SNX29: variants seen among roughly 807,000 people sequenced by gnomAD.
The protein encoded by SNX29 is sorting nexin-29.
Under a neutral mutation model 102.1 loss-of-function variants are expected in SNX29, and 78 were observed. The observed-to-expected ratio is 0.76, with a 90% CI of 0.64 to 0.92. The LOEUF is 0.92. Among genes scored for constraint, SNX29 ranks in the 40% least tolerant of loss-of-function variants. SNX29 has a pLI of 0.00. For synonymous variants in SNX29, 580 were observed against 414.5 expected, an observed-to-expected ratio of 1.40 and a Z score of -4.85; for missense variants, 1,280 against 1,061.7, an observed-to-expected ratio of 1.21 and a Z score of -2.86.
chr16:12,215,408 C>T (rs2077296584), intron 14 of SNX29, among the ~76,000 whole-genome samples: 1 of 152,064 alleles, frequency 6.6e-6, no homozygotes, highest in South Asian at 2.1e-4. Context: ...AGATTGTTAT[C>T]ATCAAGCGCT....
At chr16:12,320,953 C>T (rs552951071) in intron 15 of SNX29, among the ~76,000 whole-genome samples, 3 of 152,290 alleles carry the variant, frequency 2.0e-5, no homozygotes, top group African/African-American at 4.8e-5. Context: ...AAAAGCAACA[C>T]GTTTGTTTTT....
chr16:12,346,767 A>G (rs1046211803), intron 15 of SNX29, among the ~76,000 whole-genome samples: 1 of 151,972 alleles, frequency 6.6e-6, no homozygotes. Context: ...TAACATGGTC[A>G]TTTCTGTGGA....
chr16:12,473,761 C>T (rs1163468026), intron 18 of SNX29, among the ~76,000 whole-genome samples: 1 of 152,176 alleles, frequency 6.6e-6, no homozygotes, highest in Admixed American at 6.5e-5. Flanking sequence ...AGAGTGACCT[C>T]TGGGTGTCCT....
Position 12,539,406 on chromosome 16 carries a change from C to G in SNX29, c.2318+14565C>G, listed in dbSNP as rs140506619. Among the ~76,000 whole-genome samples the G allele has an allele frequency of 3.2e-3, 491 of 152,204 alleles. 3 individuals are homozygous for G. The highest frequency in any genetic ancestry group is 0.011 in the African/African-American group (447 of 41,526). On this transcript the variant is annotated intron_variant, in intron 20 of 20. Transcript: ENST00000566228. ...GTCTTTCAGCATGTGTGAGAACCGTCAAGTCGTTGGGTGAGTCAGCAGTGT... is the reference window on the plus strand; with the variant it reads ...GTCTTTCAGCATGTGTGAGAACCGTGAAGTCGTTGGGTGAGTCAGCAGTGT...
chr16:12,068,247 C>T (rs147307802), intron 9 of SNX29, among the ~76,000 whole-genome samples: 7 of 151,910 alleles, frequency 4.6e-5, no homozygotes, highest in Non-Finnish European at 7.4e-5. Context: ...GAGGCCAGGG[C>T]GGAAGGATTG....
chr16:12,564,024 G>C (rs2078880829), intron 20 of SNX29, among the ~76,000 whole-genome samples: 1 of 151,712 alleles, frequency 6.6e-6, no homozygotes, highest in Non-Finnish European at 1.5e-5. Context: ...GTAGGGAGTT[G>C]AGGAGTTGCA....
At chr16:12,141,346 A>G (rs1268047431) in intron 13 of SNX29, among the ~76,000 whole-genome samples, 1 of 152,216 alleles carries the variant, frequency 6.6e-6, no homozygotes, top group Non-Finnish European at 1.5e-5. Flanking sequence ...TCTATGCTGT[A>G]AATGCTGGTA....
At chr16:12,258,641 A>G (rs772272714) in intron 14 of SNX29, among the ~76,000 whole-genome samples, 1 of 152,058 alleles carries the variant, frequency 6.6e-6, no homozygotes. Context: ...GTCGCTCACA[A>G]TGTATATACT....
rs576046710 is a variant in SNX29, at chr16:12,491,991, C to T, written c.2178+14132C>T. 4.1e-3 allele frequency among the ~76,000 whole-genome samples: 628 copies of T among 152,256 alleles called. 4 individuals carry two copies. The highest frequency in any genetic ancestry group is 0.015 in the African/African-American group (609 of 41,532). On this transcript the variant is annotated intron_variant, in intron 19 of 20. Transcript: ENST00000566228. Reference sequence around the variant, plus strand: ...TGTGAATAGTGCCGCAATAAACATACGTGTGCGTGTGTCTTTATAGCAGCA... The same window carrying T: ...TGTGAATAGTGCCGCAATAAACATATGTGTGCGTGTGTCTTTATAGCAGCA...
intron 10 of SNX29, among the ~76,000 whole-genome samples, chr16:12,074,067 G>C (rs1299919187): frequency 6.6e-6 from 1 of 151,792 alleles, no homozygotes; most frequent in African/African-American, 2.4e-5. Flanking sequence ...GTGTGTCTCT[G>C]CACGTGAGAT....
At chr16:12,377,753 G>A (rs1367764097) in intron 16 of SNX29, among the ~76,000 whole-genome samples, 1 of 152,136 alleles carries the variant, frequency 6.6e-6, no homozygotes, top group African/African-American at 2.4e-5. Context: ...GTCTTCCTGA[G>A]CCACTCATTT....
chr16:12,304,333 C>A (rs913555999), intron 15 of SNX29, among the ~76,000 whole-genome samples: 2 of 152,186 alleles, frequency 1.3e-5, no homozygotes, highest in African/African-American at 4.8e-5. Flanking sequence ...AGCGCAATGG[C>A]GAGATCTTGG....
chr16:12,546,415 T>C (rs897705884), intron 20 of SNX29: 2 of 152,194 alleles, frequency 1.3e-5, no homozygotes, highest in African/African-American at 4.8e-5. Context: ...TTAAGCTCTT[T>C]GCATGGCACC....
At chr16:12,523,930 G>C (rs938282043) in intron 19 of SNX29, among the ~76,000 whole-genome samples, 1 of 151,992 alleles carries the variant, frequency 6.6e-6, no homozygotes, top group African/African-American at 2.4e-5. Context: ...CTTGTTGCCC[G>C]GGCTGGAGTG....
chr16:12,277,526 C>T (rs1303691195), intron 14 of SNX29, among the ~76,000 whole-genome samples: 1 of 152,218 alleles, frequency 6.6e-6, no homozygotes, highest in African/African-American at 2.4e-5. Flanking sequence ...TTCTTGACTC[C>T]TGTGCTTCTG....
At chr16:12,336,602 T>C (rs2081458202) in intron 15 of SNX29, among the ~76,000 whole-genome samples, 1 of 152,214 alleles carries the variant, frequency 6.6e-6, no homozygotes, top group Non-Finnish European at 1.5e-5. Context: ...GGTTGGCAAG[T>C]GACAAGTCAC....
intron 19 of SNX29, among the ~76,000 whole-genome samples, chr16:12,496,529 T>TTCC (rs1384093862): frequency 2.1e-5 from 3 of 139,772 alleles, no homozygotes; most frequent in African/African-American, 5.2e-5. Context: ...TTTTTTTTTT[T>TTCC]AAACCTAGTC....
Position 12,570,863 on chromosome 16 carries a change from C to T in SNX29, c.*2234C>T, listed in dbSNP as rs2079172975. 2 of 231,846 alleles carry T rather than the reference C, an allele frequency of 8.6e-6. No individual in the cohort carries two copies. Among genetic ancestry groups the T allele is most frequent in the African/African-American group, 4.4e-5 (2 of 45,232 alleles). 14.4% of individuals were successfully genotyped at this position (231,846 alleles called of 1,614,324 possible). On this transcript the variant is annotated 3_prime_UTR_variant, in exon 21 of 21. Transcript: ENST00000566228. The stretch of plus-strand genomic sequence containing the variant: ...GGTATTGAACTGGTGGGAGAAACTG[C>T]CTCCTACTTTTATAATACTGAATTA...
At chr16:12,013,543 C>CGAGAGAGA in intron 3 of SNX29, among the ~76,000 whole-genome samples, 1 of 61,870 alleles carries the variant, frequency 1.6e-5, no homozygotes, top group African/African-American at 5.3e-5. Flanking sequence ...ATATATATAT[C>CGAGAGAGA]GAGAGAGGAG....
Sources: allele counts gnomAD v4.1 joint callset (sites outside exome capture counted in the v4.1 genomes callset), GRCh38; gene constraint gnomAD v4.1.1; transcripts MANE v1.5; gene names NCBI Gene and HGNC (gene_info 2026-07-23, HGNC 2026-07-21).